DENND2B: variants seen among roughly 807,000 people sequenced by gnomAD.
DENND2B encodes DENN domain-containing protein 2B.
A neutral mutation model predicts 116.0 loss-of-function variants in DENND2B; 32 were observed. The observed-to-expected ratio is 0.28, with a 90% confidence interval of 0.21 to 0.37. The LOEUF is 0.37. Among genes scored for constraint, DENND2B ranks in the 10% least tolerant of loss-of-function variants. The pLI is 1.00. For missense variants in DENND2B, 1,276 were observed against 1,477.7 expected (o/e 0.86, Z 2.24); for synonymous variants, 588 against 583.9 (o/e 1.01, Z -0.10).
intron 2 of DENND2B, among the ~76,000 whole-genome samples, chr11:8,863,901 G>C (rs1014074216): frequency 6.6e-6 from 1 of 151,882 alleles, no homozygotes; most frequent in African/African-American, 2.4e-5. Context: ...AAGCCTTTTG[G>C]GTCTAAGTAC....
intron 1 of DENND2B, among the ~76,000 whole-genome samples, chr11:8,797,347 G>A (rs2059904151): frequency 6.6e-6 from 1 of 152,116 alleles, no homozygotes; most frequent in South Asian, 2.1e-4. Context: ...GAAGTATGCA[G>A]ACTATATTAA....
chr11:8,836,666 C>T (rs774525817), intron 4 of DENND2B, among the ~76,000 whole-genome samples: 1 of 151,978 alleles, frequency 6.6e-6, no homozygotes, highest in African/African-American at 2.4e-5. Context: ...ATGATCCACC[C>T]GCCTCAGCCT....
Position 8,797,884 on chromosome 11 carries a change from G to T in DENND2B, c.-26+12633C>A, listed in dbSNP as rs572706892. ...CCCTTGCTCCCTACATTCTAACAAT[G>T]ATGACTTCCTAGGTGTCCTTTCTGC... On this transcript the variant is annotated intron_variant, in intron 1 of 19. Coordinates refer to ENST00000313726, the MANE Select transcript of DENND2B (RefSeq NM_213618.2). Among the ~76,000 whole-genome samples the T allele has an allele frequency of 5.9e-5, 9 of 152,144 alleles. No individual in the cohort carries two copies. The South Asian group carries it at 1.7e-3, about 28-fold the overall frequency.
chr11:8,825,699 C>T (rs750792188), intron 4 of DENND2B, among the ~76,000 whole-genome samples: 8 of 151,140 alleles, frequency 5.3e-5, no homozygotes, highest in African/African-American at 7.3e-5. Flanking sequence ...AGGTTAAATA[C>T]GGCAAGATGA....
At chr11:8,820,193 A>G (rs2061710101) in intron 4 of DENND2B, among the ~76,000 whole-genome samples, 1 of 152,232 alleles carries the variant, frequency 6.6e-6, no homozygotes, top group African/African-American at 2.4e-5. Flanking sequence ...TGTTCACTTT[A>G]TATTACTTGG....
chr11:8,796,752 C>T (rs1407739997), intron 1 of DENND2B, among the ~76,000 whole-genome samples: 1 of 152,074 alleles, frequency 6.6e-6, no homozygotes, highest in Non-Finnish European at 1.5e-5. Flanking sequence ...TCTTCTTATA[C>T]AATAGGGGGA....
chr11:8,829,983 G>A (rs1176029551), intron 4 of DENND2B, among the ~76,000 whole-genome samples: 1 of 152,178 alleles, frequency 6.6e-6, no homozygotes, highest in Non-Finnish European at 1.5e-5. Flanking sequence ...CATCCTTCAT[G>A]TCAGTCCTGC....
intron 2 of DENND2B, among the ~76,000 whole-genome samples, chr11:8,863,647 A>T (rs1055516002): frequency 6.6e-6 from 1 of 152,168 alleles, no homozygotes; most frequent in African/African-American, 2.4e-5. Context: ...AATCCTCACA[A>T]CTGATATTGC....
At chr11:8,849,513 A>AC (rs1491319025) in intron 3 of DENND2B, among the ~76,000 whole-genome samples, 5 of 131,580 alleles carry the variant, frequency 3.8e-5, no homozygotes, top group Non-Finnish European at 1.6e-5. Context: ...AAAAAAAAAA[A>AC]CAGACAGAAA....
At chr11:8,701,344 C>CAGGGGGGGGGGG (rs1491336392) in intron 14 of DENND2B, among the ~76,000 whole-genome samples, 1 of 11,238 alleles carries the variant, frequency 8.9e-5, no homozygotes. Context: ...GGCCAGCTTC[C>CAGGGGGGGGGGG]GGGGGGGGGG....
At chr11:8,882,564 G>A (rs770418458) in intron 1 of DENND2B, among the ~76,000 whole-genome samples, 1 of 152,152 alleles carries the variant, frequency 6.6e-6, no homozygotes, top group African/African-American at 2.4e-5. Flanking sequence ...AATTTCAGGT[G>A]AACATACAGT....
intron 1 of DENND2B, among the ~76,000 whole-genome samples, chr11:8,751,453 C>T (rs1007706968): frequency 1.3e-5 from 2 of 152,180 alleles, no homozygotes; most frequent in African/African-American, 2.4e-5. Context: ...TTTGTCCTTT[C>T]GCCCTGCAAT....
chr11:8,731,316 G>C, intron 2 of DENND2B, 107 bp from the exon 3 acceptor site: 2 of 1,106,450 alleles, frequency 1.8e-6, no homozygotes, highest in South Asian at 3.6e-5. Flanking sequence ...CTTTTTCCTG[G>C]AGGACTCTCA....
chr11:8,865,326 A>C (rs1440346873), intron 2 of DENND2B, among the ~76,000 whole-genome samples: 1 of 152,154 alleles, frequency 6.6e-6, no homozygotes, highest in African/African-American at 2.4e-5. Flanking sequence ...TTCCACAATT[A>C]CTTATGCTGA....
intron 3 of DENND2B, among the ~76,000 whole-genome samples, chr11:8,849,152 C>G (rs112447015): frequency 0.036 from 5,511 of 152,072 alleles, 330 homozygotes; most frequent in African/African-American, 0.13. Flanking sequence ...TCACTGAACA[C>G]TTAAAATAAG....
intron 14 of DENND2B, among the ~76,000 whole-genome samples, chr11:8,700,544 A>G (rs1201902083): frequency 1.3e-5 from 2 of 152,162 alleles, no homozygotes; most frequent in Admixed American, 6.5e-5. Context: ...TTCCTCATAC[A>G]TACGGAAGGA....
intron 4 of DENND2B, among the ~76,000 whole-genome samples, chr11:8,833,943 A>C (rs898922564): frequency 6.6e-6 from 1 of 152,148 alleles, no homozygotes; most frequent in African/African-American, 2.4e-5. Flanking sequence ...CATTAGTTTC[A>C]CCTTACCCTG....
chr11:8,781,323 C>A (rs1239271536), intron 1 of DENND2B, among the ~76,000 whole-genome samples: 1 of 152,014 alleles, frequency 6.6e-6, no homozygotes, highest in East Asian at 1.9e-4. Flanking sequence ...GGCTTGGAAG[C>A]AACGTGGGGA....
chr11:8,774,033 G>A, intron 1 of DENND2B: 3 of 906,042 alleles, frequency 3.3e-6, no homozygotes, highest in Non-Finnish European at 4.0e-6. Flanking sequence ...GTAAGCTTCA[G>A]TTTTCTCATC....
Sources: allele counts gnomAD v4.1 joint callset (sites outside exome capture counted in the v4.1 genomes callset), GRCh38; gene constraint gnomAD v4.1.1; transcripts MANE v1.5; gene names NCBI Gene and HGNC (gene_info 2026-07-23, HGNC 2026-07-21).